The following TTC21B variants were observed in gnomAD, a reference collection of about 807,000 sequenced individuals.
TTC21B encodes the protein tetratricopeptide repeat protein 21B.
A neutral mutation model predicts 175.1 loss-of-function variants in TTC21B; 127 were observed. That is an observed-to-expected ratio of 0.73 (90% confidence interval 0.63 to 0.84). TTC21B has a LOEUF of 0.84. Ranked by LOEUF, TTC21B falls within the 40% of genes least tolerant of loss-of-function variation. The pLI, the probability that TTC21B is intolerant of heterozygous loss-of-function variation, is 0.00. For missense variants in TTC21B, 1,561 were observed against 1,558.3 expected, an observed-to-expected ratio of 1.00 and a Z score of -0.03; for synonymous variants, 524 against 524.5, an observed-to-expected ratio of 1.00 and a Z score of 0.01.
At chr2:165,930,728 T>TGG (rs1331522478) in intron 8 of TTC21B, among the ~76,000 whole-genome samples, 14 of 70,560 alleles carry the variant, frequency 2.0e-4, no homozygotes, top group South Asian at 5.1e-4. Flanking sequence ...TACGTGGGTA[T>TGG]GGGGGTGTGT....
intron 20 of TTC21B, 106 bp downstream of exon 20, chr2:165,901,616 C>T (rs1164822291): frequency 1.8e-6 from 2 of 1,133,022 alleles, no homozygotes; most frequent in South Asian, 1.3e-5. Flanking sequence ...AGCCACTGCA[C>T]CCTGCCTACA....
intron 27 of TTC21B, among the ~76,000 whole-genome samples, chr2:165,878,383 T>C (rs1252003386): frequency 6.6e-6 from 1 of 152,148 alleles, no homozygotes; most frequent in Non-Finnish European, 1.5e-5. Context: ...TTCTACACAG[T>C]CTAATGACTG....
chr2:165,940,278 C>T (rs997722744), intron 6 of TTC21B, among the ~76,000 whole-genome samples: 1 of 152,188 alleles, frequency 6.6e-6, no homozygotes, highest in Non-Finnish European at 1.5e-5. Flanking sequence ...CCTGCTCGCC[C>T]ACAGTCTGTT....
chr2:165,875,881 G>T (rs1257414096), intron 28 of TTC21B, among the ~76,000 whole-genome samples: 5 of 148,278 alleles, frequency 3.4e-5, no homozygotes, highest in Admixed American at 1.3e-4. Flanking sequence ...TTCCATACAT[G>T]TAAATATTTT....
rs985206871 is a variant in TTC21B at position 165,941,117 on chromosome 2, T to G, written c.620A>C (p.Asn207Thr). The change falls in exon 6 of 29, where the codon AAT becomes ACT. Residue 207 changes from asparagine (N) to threonine (T), a missense_variant. Asn to Thr is a moderately conservative substitution (Grantham distance 65). Transcript: ENST00000243344. ...AAAAGCAGGAAGGAAGCTCGGAAAA[T>G]TCACGATTATCTGGTTCACAGTCTC... ...ALETVNQIIV[N>T]FPSFLPAFVK... The G allele has an allele frequency of 6.2e-7, 1 of 1,613,916 alleles. No homozygotes were observed.
intron 26 of TTC21B, among the ~76,000 whole-genome samples, chr2:165,883,197 TCTTAA>T (rs1051393659): frequency 2.0e-5 from 3 of 152,134 alleles, no homozygotes; most frequent in Admixed American, 6.6e-5. Flanking sequence ...AAAAAATAAA[TCTTAA>T]CTTTAAAGAA....
At chr2:165,906,955 CAAAAAAAAAAAAAA>C (rs1160627145) in intron 19 of TTC21B, among the ~76,000 whole-genome samples, 2 of 60,268 alleles carry the variant, frequency 3.3e-5, no homozygotes, top group South Asian at 6.2e-4. Flanking sequence ...AACTCCGTCT[CAAAAAAAAAAAAAA>C]AAAAAAAAGA....
intron 24 of TTC21B, among the ~76,000 whole-genome samples, chr2:165,889,718 C>T (rs1685125956): frequency 6.6e-6 from 1 of 152,176 alleles, no homozygotes; most frequent in South Asian, 2.1e-4. Flanking sequence ...CATGCATCTT[C>T]TCCTGAATAC....
At chr2:165,885,467 G>C (rs549436026) in intron 25 of TTC21B, among the ~76,000 whole-genome samples, 1 of 152,318 alleles carries the variant, frequency 6.6e-6, no homozygotes, top group Admixed American at 6.5e-5. Flanking sequence ...AAAATGGTTT[G>C]AGTGTCAAAT....
chr2:165,882,503 AG>A (rs1684870222), intron 26 of TTC21B, among the ~76,000 whole-genome samples: 1 of 152,044 alleles, frequency 6.6e-6, no homozygotes, highest in South Asian at 2.1e-4. Flanking sequence ...CGGCTACTAG[AG>A]GTGTCTTTAA....
chr2:165,948,056 T>G (rs1378828448), intron 3 of TTC21B: 3 of 152,068 alleles, frequency 2.0e-5, no homozygotes, highest in Admixed American at 6.6e-5. Context: ...CCCACTGGAG[T>G]ACGGAGAAAG....
chr2:165,945,574 C>T lies in TTC21B; in HGVS notation c.379G>A (p.Ala127Thr), dbSNP rs769548518. The change falls in exon 4 of 29, where the codon GCA becomes ACA. Residue 127 changes from alanine to threonine, a missense_variant. Physicochemically the swap from Ala to Thr is moderately conservative, Grantham distance 58. Coordinates refer to ENST00000243344, the MANE Select transcript of TTC21B (RefSeq NM_024753.5). Reference protein sequence around the residue: ...FLWHIGRHDKAREYIDRMIKI... With the variant: ...FLWHIGRHDKTREYIDRMIKI... ...ATCATTCTGTCAATATATTCCCTTG[C>T]TTTATCATGGCGACCAATGTGCCAT... 4.3e-6 allele frequency: 7 copies of T among 1,613,720 alleles called. No individual in the cohort carries two copies. The East Asian group carries it at 8.9e-5, about 21-fold the overall frequency.
intron 20 of TTC21B, 101 bp downstream of exon 20, chr2:165,901,621 C>T (rs1437905892): frequency 8.4e-7 from 1 of 1,186,106 alleles, no homozygotes; most frequent in African/African-American, 1.5e-5. Flanking sequence ...CTGCACCCTG[C>T]CTACATCTTC....
At position 165,883,862 on chromosome 2, in the gene TTC21B, T is replaced by C; in HGVS notation, c.3616A>G (p.Ile1206Val). The C allele has an allele frequency of 6.2e-7, 1 of 1,614,082 alleles. No individual in the cohort carries two copies. Among genetic ancestry groups the C allele is most frequent in the Non-Finnish European group, 8.5e-7 (1 of 1,179,974 alleles). ...FEKSWLLLAD[I>V]YIQSAKYDMA... ...TCATATTTTGCTGATTGAATGTAAATATCAGCAAGTAGCAGCCAACTCTTC... is the reference window on the plus strand; with the variant it reads ...TCATATTTTGCTGATTGAATGTAAACATCAGCAAGTAGCAGCCAACTCTTC... The change falls in exon 26 of 29, where the codon ATT (isoleucine) becomes GTT (valine). Residue 1206 changes from isoleucine to valine, a missense_variant. Physicochemically the swap from Ile to Val is conservative, Grantham distance 29. Transcript: ENST00000243344.
At chr2:165,944,983 C>T (rs983130350) in intron 4 of TTC21B, among the ~76,000 whole-genome samples, 8 of 152,170 alleles carry the variant, frequency 5.3e-5, no homozygotes, top group African/African-American at 1.9e-4. Flanking sequence ...TAAAACAGTG[C>T]CTAGCACAAA....
At chr2:165,919,892 T>C (rs1456556321) in intron 12 of TTC21B, among the ~76,000 whole-genome samples, 1 of 152,032 alleles carries the variant, frequency 6.6e-6, no homozygotes, top group Non-Finnish European at 1.5e-5. Flanking sequence ...CTACTATACA[T>C]AAAATAACAA....
At chr2:165,943,127 T>C (rs1335867737) in intron 5 of TTC21B, 92 bp downstream of exon 5, 12 of 1,319,512 alleles carry the variant, frequency 9.1e-6, no homozygotes, top group Non-Finnish European at 1.2e-5. Context: ...ATGAAAATTA[T>C]CAACTTTTTT....
intron 13 of TTC21B, among the ~76,000 whole-genome samples, chr2:165,918,021 T>TA (rs1330427807): frequency 6.6e-6 from 1 of 152,072 alleles, no homozygotes; most frequent in Non-Finnish European, 1.5e-5. Context: ...AAGAAAATGA[T>TA]AAAAATGAGG....
rs748606861 is a variant in TTC21B, at chr2:165,874,644, G to T, written c.*111C>A. On this transcript the variant is annotated 3_prime_UTR_variant, in exon 29 of 29. Coordinates refer to ENST00000243344, the MANE Select transcript of TTC21B (RefSeq NM_024753.5). ...CAGCAACCTCTGCTGGAGAAAAAAG[G>T]GTATACTTCTAATAACAAAGCACTG... is the stretch of plus-strand genomic sequence containing the variant. 4 of 930,810 alleles carry T rather than the reference G, an allele frequency of 4.3e-6. No homozygotes were observed. The highest frequency in any genetic ancestry group is 5.2e-6 in the Non-Finnish European group (3 of 577,710). The allele number at this position is 930,810 out of a possible 1,614,324, so 57.7% of individuals were successfully genotyped here.
Sources: allele counts gnomAD v4.1 joint callset (sites outside exome capture counted in the v4.1 genomes callset), GRCh38; gene constraint gnomAD v4.1.1; transcripts MANE v1.5; gene names NCBI Gene and HGNC (gene_info 2026-07-23, HGNC 2026-07-21).